The following DOT1L variants were observed in gnomAD, a reference collection of about 807,000 sequenced individuals.
DOT1L encodes the protein DOT1 like histone lysine methyltransferase.
A neutral mutation model predicts 153.3 loss-of-function variants in DOT1L; 33 were observed. The ratio of observed to expected loss-of-function variants is 0.22; its 90% CI spans 0.16 to 0.29. The LOEUF is 0.29. Among genes scored for constraint, DOT1L ranks in the 10% least tolerant of loss-of-function variants. The pLI, the probability that DOT1L is intolerant of heterozygous loss-of-function variation, is 1.00. For missense variants in DOT1L, 1,847 were observed against 2,119.9 expected (o/e 0.87, Z 2.53); for synonymous variants, 1,135 against 965.1 (o/e 1.18, Z -3.26).
intron 7 of DOT1L, among the ~76,000 whole-genome samples, chr19:2,199,663 G>T (rs567702158): frequency 1.3e-5 from 2 of 152,338 alleles, no homozygotes; most frequent in South Asian, 4.1e-4. Context: ...ACGAGGACCT[G>T]TCCCGGCTTC....
intron 16 of DOT1L, chr19:2,213,276 G>A (rs1368132278): frequency 2.0e-5 from 8 of 399,064 alleles, no homozygotes; most frequent in East Asian, 8.9e-5. Context: ...GGCTGGGGGC[G>A]CTGCCCTGGC....
chr19:2,216,500 G>A lies in DOT1L; in HGVS notation c.2143G>A (p.Gly715Ser), dbSNP rs953702113. 8.7e-6 allele frequency: 14 copies of A among 1,612,460 alleles called. No individual in the cohort carries two copies. The highest frequency in any genetic ancestry group is 2.7e-5 in the African/African-American group (2 of 74,934). Reference sequence around the variant, plus strand: ...CATGAGCCCGGAGCTCTCCATGAACGGCCAGGCTGCTGGCTATGAGCTCTG... The same window carrying A: ...CATGAGCCCGGAGCTCTCCATGAACAGCCAGGCTGCTGGCTATGAGCTCTG... ...SSMSPELSMNGQAAGYELCGV... is the reference protein window; with the variant it reads ...SSMSPELSMNSQAAGYELCGV... The change falls in exon 20 of 28, where the codon GGC becomes AGC. Residue 715 changes from glycine (G) to serine (S), a missense_variant. This residue lies in a region of DOT1L where 281 missense variants were observed against 263.6 expected (regional missense o/e 1.07). Coordinates refer to ENST00000398665, the MANE Select transcript of DOT1L (RefSeq NM_032482.3).
intron 1 of DOT1L, among the ~76,000 whole-genome samples, chr19:2,177,557 T>C (rs1029112315): frequency 1.3e-5 from 2 of 152,122 alleles, no homozygotes; most frequent in African/African-American, 4.8e-5. Flanking sequence ...GTGTTATTAG[T>C]ATTCGCCACG....
intron 3 of DOT1L, among the ~76,000 whole-genome samples, chr19:2,187,854 G>C (rs7254430): frequency 4.6e-4 from 69 of 151,302 alleles, no homozygotes; most frequent in Non-Finnish European, 3.1e-4. Flanking sequence ...CCCGGGAGGC[G>C]GAGCTTGCAG....
chr19:2,210,347 A>C, intron 12 of DOT1L, 53 bp from the exon 13 acceptor site: 2 of 1,423,694 alleles, frequency 1.4e-6, no homozygotes, highest in Non-Finnish European at 1.9e-6. Flanking sequence ...TCGGTGCAGG[A>C]GGGCCGTGGG....
chr19:2,228,495 G>T, intron 27 of DOT1L: 1 of 1,189,700 alleles, frequency 8.4e-7, no homozygotes, highest in Non-Finnish European at 1.1e-6. Flanking sequence ...GAGGAGGGAA[G>T]AGGGAGAGAG....
At chr19:2,227,985 C>G (rs1283992539) in intron 27 of DOT1L, 4 of 1,279,376 alleles carry the variant, frequency 3.1e-6, no homozygotes, top group Non-Finnish European at 4.1e-6. Context: ...GCCCGTCCTC[C>G]ACGCCCCCCC....
intron 15 of DOT1L, 111 bp downstream of exon 15, chr19:2,211,323 C>G: frequency 1.0e-6 from 1 of 983,974 alleles, no homozygotes; most frequent in East Asian, 2.6e-5. Flanking sequence ...CCATGCTGGA[C>G]CCCACTGAAG....
intron 8 of DOT1L, among the ~76,000 whole-genome samples, chr19:2,201,306 C>A (rs1248722956): frequency 6.6e-6 from 1 of 151,460 alleles, no homozygotes; most frequent in East Asian, 2.0e-4. Flanking sequence ...TCCCTGTATT[C>A]CTCATTCTCC....
chr19:2,208,187 T>TC lies in DOT1L; in HGVS notation c.963+514dup, dbSNP rs950674183. Among the ~76,000 whole-genome samples the TC allele has an allele frequency of 4.6e-4, 70 of 151,660 alleles. No individual in the cohort carries two copies. The East Asian group carries it at 9.8e-3, about 21-fold the overall frequency. On this transcript the variant is annotated intron_variant, in intron 11 of 27. Transcript: ENST00000398665. The surrounding 1 kb of genome is among the most constrained non-coding windows in gnomAD (Gnocchi z 4.4). ...CGGCCTGCCTGCCTCCCACGGTGCT[T>TC]CCCCCCCGGGCACGAGTATCCCGAG...
At chr19:2,228,725 C>T (rs906316896) in intron 27 of DOT1L, 6 of 985,296 alleles carry the variant, frequency 6.1e-6, no homozygotes, top group African/African-American at 1.7e-5. Flanking sequence ...CTAGAGCAGT[C>T]TCCAGGGCTC....
rs1425279836 is a variant in DOT1L, at chr19:2,220,740, C to T, written c.2806+518C>T. 7 of 351,078 alleles carry T rather than the reference C, an allele frequency of 2.0e-5. No homozygotes were observed. Among genetic ancestry groups the T allele is most frequent in the South Asian group, 4.2e-5 (2 of 47,254 alleles). 21.7% of individuals were successfully genotyped at this position (351,078 alleles called of 1,614,324 possible). A position where few individuals can be genotyped will look rare whatever the true frequency, so the allele number is the denominator to read the frequency against. ...CTGCAGGCCTGTCTGTTGTGGAAGC[C>T]GCAGAGACAGCATGTCAGCGGGCAT... On this transcript the variant is annotated intron_variant, in intron 23 of 27. Coordinates refer to ENST00000398665, the MANE Select transcript of DOT1L (RefSeq NM_032482.3). This position sits in a 1 kb window ranked among gnomAD's most constrained non-coding sequence, Gnocchi z 4.5.
rs2023916293 is a variant in DOT1L, at chr19:2,216,683, C to G, written c.2326C>G (p.Pro776Ala). The G allele has an allele frequency of 6.2e-7, 1 of 1,603,532 alleles. No individual in the cohort carries two copies. Among genetic ancestry groups the G allele is most frequent in the South Asian group, 1.1e-5 (1 of 91,060 alleles). ...LAAPDYTRLSPAKIVLRRHLS... is the reference protein window; with the variant it reads ...LAAPDYTRLSAAKIVLRRHLS... ...CGCACCCGACTACACTAGGCTGTCC[C>G]CGGCCAAGATTGTGCTGAGGCGGCA... is the stretch of plus-strand genomic sequence containing the variant. Residue 776 changes from proline to alanine, a missense_variant, in exon 20 of 28, where the codon CCG (proline) becomes GCG (alanine). This residue lies in a region of DOT1L where 281 missense variants were observed against 263.6 expected (regional missense o/e 1.07). Coordinates refer to ENST00000398665, the MANE Select transcript of DOT1L (RefSeq NM_032482.3).
chr19:2,183,222 G>A (rs1365558743), intron 2 of DOT1L, among the ~76,000 whole-genome samples: 8 of 152,188 alleles, frequency 5.3e-5, no homozygotes, highest in Admixed American at 2.0e-4. Context: ...TCAGGCTGGG[G>A]TGCAGTGGTG....
intron 1 of DOT1L, among the ~76,000 whole-genome samples, chr19:2,178,250 G>A (rs986810103): frequency 5.4e-5 from 7 of 129,600 alleles, no homozygotes; most frequent in Non-Finnish European, 9.5e-5. Context: ...TTTTTTTTTG[G>A]TATTTTTTTG....
rs2023578716 is a variant in DOT1L at position 2,208,201 on chromosome 19, G to A, written c.963+521G>A. 6.6e-6 allele frequency among the ~76,000 whole-genome samples: 1 copy of A among 152,120 alleles called. No homozygotes were observed. ...CCCACGGTGCTTCCCCCCCGGGCAC[G>A]AGTATCCCGAGCCTCCTGGCATGTG... On this transcript the variant is annotated intron_variant, in intron 11 of 27. Coordinates refer to ENST00000398665, the MANE Select transcript of DOT1L (RefSeq NM_032482.3). The surrounding 1 kb of genome is among the most constrained non-coding windows in gnomAD (Gnocchi z 4.4).
chr19:2,213,564 C>T lies in DOT1L; in HGVS notation c.1583C>T (p.Ala528Val), dbSNP rs756367523. 4.5e-5 allele frequency: 72 copies of T among 1,613,078 alleles called. No individual in the cohort carries two copies. The Admixed American group carries it at 8.5e-4, about 19-fold the overall frequency. The change falls in exon 17 of 28, where the codon GCG becomes GTG. Residue 528 changes from alanine to valine, a missense_variant. Ala to Val is a moderately conservative substitution (Grantham distance 64). Coordinates refer to ENST00000398665, the MANE Select transcript of DOT1L (RefSeq NM_032482.3). The part of the protein sequence containing the change: ...EKEKNAQLLG[A>V]AQQLLSHCQA... ...GAGAAGAACGCCCAGCTCCTGGGTG[C>T]GGCTCAGCAGCTCCTCAGCCACTGC...
At chr19:2,178,184 G>A (rs1304651925) in intron 1 of DOT1L, among the ~76,000 whole-genome samples, 1 of 147,354 alleles carries the variant, frequency 6.8e-6, no homozygotes, top group African/African-American at 2.5e-5. Flanking sequence ...CACCCGCCTC[G>A]GCCTCCCAAA....
intron 15 of DOT1L, 113 bp from the exon 16 acceptor site, chr19:2,211,638 A>G (rs766728450): frequency 2.1e-5 from 19 of 899,636 alleles, no homozygotes; most frequent in Non-Finnish European, 3.0e-5. Context: ...CTCCTGCCTC[A>G]TGAGTGCCTG....
Sources: gnomAD v4.1 joint callset for allele counts (sites outside exome capture counted in the v4.1 genomes callset) on GRCh38, gnomAD v4.1.1 for gene constraint, gnomAD v4.1.1 regional missense constraint, Gnocchi (gnomAD v3.1) non-coding constraint, MANE v1.5 for transcripts, NCBI Gene and HGNC (gene_info 2026-07-23, HGNC 2026-07-21) for gene names.